Variants in B3GALNT2 observed in about 807,000 individuals in gnomAD.
B3GALNT2 encodes the protein beta-1,3-N-acetylgalactosaminyltransferase 2.
B3GALNT2 carries 53 observed loss-of-function variants against 61.1 expected under a neutral mutation model. The ratio of observed to expected loss-of-function variants is 0.87; its 90% CI spans 0.70 to 1.09. The LOEUF (loss-of-function observed/expected upper bound fraction) is 1.09, where lower values mean the gene tolerates loss of function less well. Ranked by LOEUF, B3GALNT2 falls within the 50% of genes least tolerant of loss-of-function variation. The pLI, the probability that B3GALNT2 is intolerant of heterozygous loss-of-function variation, is 0.00. For missense variants in B3GALNT2, 544 were observed against 623.0 expected, an observed-to-expected ratio of 0.87 and a Z score of 1.35; for synonymous variants, 223 against 237.4, an observed-to-expected ratio of 0.94 and a Z score of 0.56.
rs1253489377 is a variant in B3GALNT2, at chr1:235,504,415, G to C, written c.-163C>G. 5.5e-6 allele frequency: 4 copies of C among 725,238 alleles called. No individual in the cohort carries two copies. Among genetic ancestry groups the C allele is most frequent in the Non-Finnish European group, 4.0e-6 (2 of 500,174 alleles). 44.9% of individuals were successfully genotyped at this position (725,238 alleles called of 1,614,324 possible). On this transcript the variant is annotated 5_prime_UTR_variant, in exon 1 of 12. Coordinates refer to ENST00000366600, the MANE Select transcript of B3GALNT2 (RefSeq NM_152490.5). ...GGGGCTCCTCGCAGCTCCCGGCCCC[G>C]CTCCTCCGGTCCCTCAGACCGCGGG... is the stretch of plus-strand genomic sequence containing the variant.
chr1:235,464,488 CCCCTCCTCCCT>C (rs1476440485), intron 7 of B3GALNT2: 2 of 151,294 alleles, frequency 1.3e-5, no homozygotes, highest in Non-Finnish European at 2.9e-5. Flanking sequence ...TCACTTCCTC[CCCCTCCTCCCT>C]CCCTCACTTC....
chr1:235,486,263 G>GT (rs954074685), intron 3 of B3GALNT2, among the ~76,000 whole-genome samples: 2 of 152,160 alleles, frequency 1.3e-5, no homozygotes, highest in African/African-American at 4.8e-5. Flanking sequence ...GGAGAATACA[G>GT]TTTTTTGTCA....
Position 235,454,198 on chromosome 1 carries a change from G to C in B3GALNT2, c.1269C>G (p.Val423=). The change falls in exon 10 of 12, where the codon GTC becomes GTG. Residue 423 remains valine (V), a synonymous_variant. Transcript: ENST00000366600. ...TCCCCGAGTTGCTTGCCAGCCACTTGACGATGTCCTTGGAGATCACATATC... is the reference window on the plus strand; with the variant it reads ...TCCCCGAGTTGCTTGCCAGCCACTTCACGATGTCCTTGGAGATCACATATC... The part of the protein sequence containing the change: ...GSGYVISKDI[V]KWLASNSGRL... 3.1e-6 allele frequency: 5 copies of C among 1,612,804 alleles called. No individual in the cohort carries two copies. Among genetic ancestry groups the C allele is most frequent in the Non-Finnish European group, 4.2e-6 (5 of 1,179,448 alleles).
intron 6 of B3GALNT2, among the ~76,000 whole-genome samples, chr1:235,466,234 T>C (rs1281420192): frequency 2.7e-5 from 4 of 150,604 alleles, no homozygotes; most frequent in South Asian, 4.2e-4. Context: ...ATTTTTCTTT[T>C]TTTTTTTTTT....
At chr1:235,493,499 C>T (rs546937696) in intron 2 of B3GALNT2, among the ~76,000 whole-genome samples, 5 of 152,088 alleles carry the variant, frequency 3.3e-5, no homozygotes, top group African/African-American at 1.2e-4. Context: ...ACAACTAGGC[C>T]GGGCTTGGTG....
At chr1:235,483,989 A>G (rs945939265) in intron 4 of B3GALNT2, among the ~76,000 whole-genome samples, 2 of 152,208 alleles carry the variant, frequency 1.3e-5, no homozygotes, top group Non-Finnish European at 2.9e-5. Flanking sequence ...GTAAGAGGCA[A>G]TAATACTCAC....
intron 1 of B3GALNT2, among the ~76,000 whole-genome samples, chr1:235,503,580 A>C (rs2102878857): frequency 6.6e-6 from 1 of 152,372 alleles, no homozygotes; most frequent in East Asian, 1.9e-4. Flanking sequence ...TCATGTCTAG[A>C]TTTGTTTAAC....
chr1:235,456,524 A>G (rs1490452708), intron 8 of B3GALNT2, among the ~76,000 whole-genome samples: 1 of 152,236 alleles, frequency 6.6e-6, no homozygotes, highest in Non-Finnish European at 1.5e-5. Flanking sequence ...AGGCATACAT[A>G]ATATTTGCTA....
chr1:235,493,515 C>T (rs879346599), intron 2 of B3GALNT2, among the ~76,000 whole-genome samples: 4 of 152,146 alleles, frequency 2.6e-5, no homozygotes, highest in East Asian at 1.9e-4. Context: ...TGGTGGCTCA[C>T]GCTTGTAATC....
chr1:235,487,162 CAA>C (rs79026091), intron 3 of B3GALNT2, among the ~76,000 whole-genome samples: 25 of 127,062 alleles, frequency 2.0e-4, no homozygotes, highest in Non-Finnish European at 2.4e-4. Flanking sequence ...ACTCTGTCTC[CAA>C]AAAAAAAAAA....
intron 1 of B3GALNT2, among the ~76,000 whole-genome samples, chr1:235,499,046 GT>G (rs1408575099): frequency 6.6e-6 from 1 of 151,990 alleles, no homozygotes; most frequent in African/African-American, 2.4e-5. Context: ...TAATCATAGT[GT>G]CACCTATTAA....
At position 235,489,360 on chromosome 1, in the gene B3GALNT2, A is replaced by G; in HGVS notation, c.261-92T>C. The stretch of plus-strand genomic sequence containing the variant: ...CCCATTTCAGAGCTTTTACTTTGAG[A>G]CACAAGTGTTTATGAGGATTAATTC... On this transcript the variant is annotated intron_variant, in intron 2 of 11. Coordinates refer to ENST00000366600, the MANE Select transcript of B3GALNT2 (RefSeq NM_152490.5). 5 of 1,552,112 alleles carry G rather than the reference A, an allele frequency of 3.2e-6. No individual in the cohort carries two copies. The South Asian group carries it at 6.1e-5, about 19-fold the overall frequency.
intron 8 of B3GALNT2, 130 bp from the exon 9 acceptor site, chr1:235,455,814 G>A: frequency 8.5e-7 from 1 of 1,179,652 alleles, no homozygotes; most frequent in East Asian, 2.6e-5. Context: ...CAAATGTTGA[G>A]AACATTTGCT....
chr1:235,455,296 G>C (rs950673295), intron 9 of B3GALNT2, among the ~76,000 whole-genome samples: 4 of 151,932 alleles, frequency 2.6e-5, no homozygotes, highest in Non-Finnish European at 5.9e-5. Context: ...TTTTTGTAGG[G>C]ACAGGGTCTT....
chr1:235,496,060 C>G (rs1685303820), intron 1 of B3GALNT2: 1 of 153,298 alleles, frequency 6.5e-6, no homozygotes, highest in African/African-American at 2.4e-5. Flanking sequence ...GCCTGTAATC[C>G]CAGCACTTTG....
At position 235,504,345 on chromosome 1, in the gene B3GALNT2, G is replaced by C. The variant is rs1447610092; in HGVS notation, c.-93C>G. The C allele has an allele frequency of 1.8e-5, 25 of 1,364,110 alleles. No individual in the cohort carries two copies. The highest frequency in any genetic ancestry group is 8.5e-5 in the South Asian group (6 of 70,672). 84.5% of individuals were successfully genotyped at this position (1,364,110 alleles called of 1,614,324 possible). The stretch of plus-strand genomic sequence containing the variant: ...GAGACTGAGGGGCGGCGGCTGACGA[G>C]CGACCACTCCGAGCACGCCCGCCCT... On this transcript the variant is annotated 5_prime_UTR_variant, in exon 1 of 12. Transcript: ENST00000366600.
intron 7 of B3GALNT2, among the ~76,000 whole-genome samples, chr1:235,460,617 G>A (rs567392913): frequency 2.2e-4 from 33 of 148,838 alleles, no homozygotes; most frequent in African/African-American, 6.9e-4. Context: ...TCTATCACCC[G>A]GGCTAGAATG....
chr1:235,484,257 A>G, intron 4 of B3GALNT2, 65 bp downstream of exon 4: 1 of 1,514,254 alleles, frequency 6.6e-7, no homozygotes, highest in Non-Finnish European at 8.8e-7. Context: ...ACTGTATGTC[A>G]CAAGGAAAAG....
intron 4 of B3GALNT2, 92 bp from the exon 5 acceptor site, chr1:235,480,241 T>C (rs1410170222): frequency 6.6e-7 from 1 of 1,516,748 alleles, no homozygotes; most frequent in African/African-American, 1.4e-5. Context: ...CTTGGTCAGC[T>C]AAATCCACAA....
Sources: gnomAD v4.1 joint callset for allele counts (sites outside exome capture counted in the v4.1 genomes callset) on GRCh38, gnomAD v4.1.1 for gene constraint, MANE v1.5 for transcripts, NCBI Gene and HGNC (gene_info 2026-07-23, HGNC 2026-07-21) for gene names.